Variants in HDAC9 observed in about 807,000 individuals in gnomAD.
The protein encoded by HDAC9 is MEF-2 interacting transcription repressor (MITR) protein.
A neutral mutation model predicts 139.4 loss-of-function variants in HDAC9; 41 were observed. The observed-to-expected ratio is 0.29, with a 90% CI of 0.23 to 0.38. The LOEUF is 0.38. HDAC9 is among the 10% of genes least tolerant of loss of function. HDAC9 has a pLI of 1.00. For missense variants in HDAC9, 1,147 were observed against 1,297.0 expected (o/e 0.88, Z 1.78); for synonymous variants, 517 against 476.2 (o/e 1.09, Z -1.12).
intron 2 of HDAC9, among the ~76,000 whole-genome samples, chr7:18,544,541 C>G (rs1202969028): frequency 6.6e-6 from 1 of 152,162 alleles, no homozygotes; most frequent in Non-Finnish European, 1.5e-5. Flanking sequence ...AGTTATGATG[C>G]TGACATGCCT....
rs550745465 is a variant in HDAC9, at chr7:18,249,830, C to A, written c.25+87481C>A. On this transcript the variant is annotated intron_variant, in intron 2 of 12. Coordinates refer to the HDAC9 transcript ENST00000417496. ...TTAATGAATAGGTTATACTCCCCTG[C>A]AGGTGGAACACTTAGATGAGAAGTT... Among the ~76,000 whole-genome samples the A allele has an allele frequency of 3.3e-5, 5 of 152,238 alleles. No individual in the cohort carries two copies. The East Asian group carries it at 9.7e-4, about 29-fold the overall frequency.
In HDAC9 at chr7:18,732,695, A is replaced by C. The variant is rs1279825811; in HGVS notation, c.1909+4938A>C. On this transcript the variant is annotated intron_variant, in intron 13 of 25. Transcript: ENST00000686413. The stretch of plus-strand genomic sequence containing the variant: ...TATGTGTGCGTATGTGTACACACAC[A>C]CACGTGTATGTGTGCGTATGTGTAC... Among the ~76,000 whole-genome samples the C allele has an allele frequency of 5.2e-5, 7 of 135,208 alleles. 2 individuals carry two copies. The highest frequency in any genetic ancestry group is 2.1e-4 in the African/African-American group (7 of 33,242). 88.7% of individuals were successfully genotyped at this position (135,208 alleles called of 152,430 possible). A position where few individuals can be genotyped will look rare whatever the true frequency, so the allele number is the denominator to read the frequency against.
chr7:18,475,046 C>A (rs1426584178), intron 1 of HDAC9, among the ~76,000 whole-genome samples: 1 of 152,054 alleles, frequency 6.6e-6, no homozygotes, highest in Non-Finnish European at 1.5e-5. Context: ...GTGGATTTAC[C>A]CTGTGGGTTT....
intron 15 of HDAC9, among the ~76,000 whole-genome samples, chr7:18,763,321 A>G (rs17139867): frequency 0.078 from 11,940 of 152,258 alleles, 1,434 homozygotes; most frequent in African/African-American, 0.26. Context: ...CATCTCTTAA[A>G]TTTATGAAGT....
At chr7:18,158,312 T>C (rs571616213) in intron 1 of HDAC9, among the ~76,000 whole-genome samples, 2 of 152,346 alleles carry the variant, frequency 1.3e-5, no homozygotes, top group African/African-American at 4.8e-5. Context: ...TGTAGACTTT[T>C]ATGGCAAATT....
chr7:18,758,059 C>T (rs1231445016), intron 14 of HDAC9, among the ~76,000 whole-genome samples: 1 of 152,098 alleles, frequency 6.6e-6, no homozygotes, highest in Non-Finnish European at 1.5e-5. Flanking sequence ...AAGTGCACGT[C>T]ACAGGGAACG....
At chr7:18,586,500 A>T (rs1283762016) in intron 3 of HDAC9, among the ~76,000 whole-genome samples, 1 of 152,122 alleles carries the variant, frequency 6.6e-6, no homozygotes, top group Non-Finnish European at 1.5e-5. Context: ...GAACTTTATT[A>T]CTTGCATATC....
chr7:18,304,810 A>G (rs550867758), intron 1 of HDAC9, among the ~76,000 whole-genome samples: 31 of 152,264 alleles, frequency 2.0e-4, no homozygotes, highest in African/African-American at 7.2e-4. Flanking sequence ...GATTTCTCTA[A>G]GAGAAATTCT....
chr7:18,728,514 G>A (rs977916729), intron 13 of HDAC9, among the ~76,000 whole-genome samples: 1 of 151,834 alleles, frequency 6.6e-6, no homozygotes, highest in Non-Finnish European at 1.5e-5. Context: ...ATTTCTTTTT[G>A]TGTACTCTAC....
At chr7:18,601,590 C>A (rs1215410259) in intron 6 of HDAC9, among the ~76,000 whole-genome samples, 1 of 152,100 alleles carries the variant, frequency 6.6e-6, no homozygotes. Context: ...TGTTTCTCAC[C>A]ATCAAGTGTG....
At chr7:18,322,832 C>G (rs1800130923) in intron 1 of HDAC9, among the ~76,000 whole-genome samples, 1 of 152,072 alleles carries the variant, frequency 6.6e-6, no homozygotes, top group Non-Finnish European at 1.5e-5. Flanking sequence ...ATAATGTCCC[C>G]TTGGGAGAAA....
At chr7:18,510,510 A>C (rs1422992613) in intron 2 of HDAC9, among the ~76,000 whole-genome samples, 1 of 152,058 alleles carries the variant, frequency 6.6e-6, no homozygotes, top group Non-Finnish European at 1.5e-5. Context: ...TTCTTAGATA[A>C]GGGGCAAAAA....
At chr7:18,113,459 C>T (rs1783762162) in intron 1 of HDAC9, among the ~76,000 whole-genome samples, 1 of 152,118 alleles carries the variant, frequency 6.6e-6, no homozygotes, top group South Asian at 2.1e-4. Context: ...TTTCCATGGA[C>T]ACGGATTAAG....
At chr7:18,148,890 A>G (rs1004051035) in intron 1 of HDAC9, among the ~76,000 whole-genome samples, 1 of 152,202 alleles carries the variant, frequency 6.6e-6, no homozygotes, top group Non-Finnish European at 1.5e-5. Flanking sequence ...CCCTTGGCAT[A>G]TGAGGTAATA....
chr7:18,880,419 A>G (rs576662026), intron 22 of HDAC9, among the ~76,000 whole-genome samples: 57 of 152,316 alleles, frequency 3.7e-4, no homozygotes, highest in Non-Finnish European at 7.5e-4. Flanking sequence ...AGTGCCCATC[A>G]ATGATTGACT....
chr7:19,000,433 G>A lies in HDAC9; in HGVS notation c.*4371G>A, dbSNP rs1431336212. ...AGAGCATGATTGTCAAGTGACCAGAGGATGACATTTGTAAGTGAACGTGGT... is the reference window on the plus strand; with the variant it reads ...AGAGCATGATTGTCAAGTGACCAGAAGATGACATTTGTAAGTGAACGTGGT... On this transcript the variant is annotated 3_prime_UTR_variant, in exon 26 of 26. Coordinates refer to ENST00000686413, the MANE Select transcript of HDAC9 (RefSeq NM_178425.4). The A allele has an allele frequency of 6.6e-6, 1 of 152,174 alleles. No homozygotes were observed. The highest frequency in any genetic ancestry group is 1.5e-5 in the Non-Finnish European group (1 of 68,030). The allele number at this position is 152,174 out of a possible 1,614,324, so 9.4% of individuals were successfully genotyped here.
intron 12 of HDAC9, among the ~76,000 whole-genome samples, chr7:18,686,652 C>G (rs985215512): frequency 1.3e-5 from 2 of 151,868 alleles, no homozygotes; most frequent in Admixed American, 6.6e-5. Context: ...AGATATATAG[C>G]CTGGCATAAA....
intron 24 of HDAC9, among the ~76,000 whole-genome samples, chr7:18,968,035 G>A (rs1783992364): frequency 6.6e-6 from 1 of 152,038 alleles, no homozygotes; most frequent in African/African-American, 2.4e-5. Context: ...GGTGGCATAT[G>A]CCCGTAATCC....
intron 12 of HDAC9, among the ~76,000 whole-genome samples, chr7:18,696,891 A>G (rs1477756800): frequency 4.6e-5 from 7 of 152,074 alleles, no homozygotes; most frequent in African/African-American, 1.7e-4. Flanking sequence ...AGTGGCAATA[A>G]CAATCATCAC....
Sources: allele counts gnomAD v4.1 joint callset (sites outside exome capture counted in the v4.1 genomes callset), GRCh38; gene constraint gnomAD v4.1.1; transcripts MANE v1.5; gene names NCBI Gene and HGNC (gene_info 2026-07-23, HGNC 2026-07-21).